Variants in RPF1 observed in about 807,000 individuals in gnomAD.
The protein encoded by RPF1 is ribosome production factor 1 homolog, also known as ribosome production factor 1.
In RPF1, 34 loss-of-function variants were observed where a neutral mutation model predicts 41.9. The ratio of observed to expected loss-of-function variants is 0.81; its 90% CI spans 0.62 to 1.08. RPF1 has a LOEUF of 1.08. Among genes scored for constraint, RPF1 ranks in the 50% least tolerant of loss-of-function variants. The pLI, the probability that RPF1 is intolerant of heterozygous loss-of-function variation, is 0.00. For synonymous variants in RPF1, 140 were observed against 148.9 expected (o/e 0.94, Z 0.43); for missense variants, 425 against 435.2 (o/e 0.98, Z 0.21).
chr1:84,490,607 C>A, intron 5 of RPF1, 135 bp downstream of exon 5: 1 of 624,634 alleles, frequency 1.6e-6, no homozygotes, highest in Non-Finnish European at 2.6e-6. Context: ...TATCTCTTTC[C>A]AAGAGTCTAT....
intron 2 of RPF1, among the ~76,000 whole-genome samples, chr1:84,482,624 T>C (rs1681670669): frequency 6.6e-6 from 1 of 152,046 alleles, no homozygotes; most frequent in African/African-American, 2.4e-5. Context: ...CCCTAGTAGA[T>C]AACTATCTTG....
intron 1 of RPF1, among the ~76,000 whole-genome samples, chr1:84,480,145 T>G (rs953159561): frequency 1.3e-5 from 2 of 152,176 alleles, no homozygotes; most frequent in Non-Finnish European, 2.9e-5. Context: ...AATATTATTA[T>G]TATGTGTCTG....
chr1:84,495,276 C>G, intron 5 of RPF1, 97 bp from the exon 6 acceptor site: 2 of 684,986 alleles, frequency 2.9e-6, no homozygotes, highest in South Asian at 3.5e-5. Context: ...CACTTGGGTA[C>G]AGATTTTAGG....
At chr1:84,481,054 G>T in intron 2 of RPF1, 42 bp downstream of exon 2, 2 of 1,119,772 alleles carry the variant, frequency 1.8e-6, no homozygotes, top group Non-Finnish European at 1.3e-6. Context: ...TCTTATATTA[G>T]GGAATCCCTC....
intron 3 of RPF1, among the ~76,000 whole-genome samples, chr1:84,486,719 G>A (rs1681745938): frequency 6.6e-6 from 1 of 152,070 alleles, no homozygotes; most frequent in African/African-American, 2.4e-5. Context: ...ACAAATCCAG[G>A]AAAGAAATGA....
At chr1:84,483,602 T>G (rs1681689741) in intron 3 of RPF1, among the ~76,000 whole-genome samples, 1 of 152,138 alleles carries the variant, frequency 6.6e-6, no homozygotes, top group South Asian at 2.1e-4. Flanking sequence ...ACTATCGACT[T>G]TTGTAGTATT....
At chr1:84,486,450 T>C (rs1439170130) in intron 3 of RPF1, among the ~76,000 whole-genome samples, 3 of 151,944 alleles carry the variant, frequency 2.0e-5, no homozygotes, top group East Asian at 1.9e-4. Context: ...TAGCCAGGTG[T>C]GGTGGCGGGC....
Position 84,482,898 on chromosome 1 carries a change from C to T in RPF1, c.286-17C>T, listed in dbSNP as rs1401715561. The T allele has an allele frequency of 6.6e-6, 10 of 1,519,822 alleles. No individual in the cohort carries two copies. Among genetic ancestry groups the T allele is most frequent in the South Asian group, 1.1e-5 (1 of 87,416 alleles). The allele number at this position is 1,519,822 out of a possible 1,614,324, so 94.1% of individuals were successfully genotyped here. On this transcript the variant is annotated splice_polypyrimidine_tract_variant and intron_variant, in intron 2 of 8. Coordinates refer to ENST00000370654, the MANE Select transcript of RPF1 (RefSeq NM_025065.7). ...TGTAAAATCCTTCTAAAATGTAATC[C>T]CTTCTCTTTTACTTAGGCTCCACCA...
In RPF1 at chr1:84,495,289, CCTTTGGAT is replaced by C. The variant is rs1681912534; in HGVS notation, c.617-83_617-76del. 4.2e-6 allele frequency: 3 copies of C among 719,732 alleles called. No individual in the cohort carries two copies. The South Asian group carries it at 5.0e-5, about 12-fold the overall frequency. The allele number at this position is 719,732 out of a possible 1,614,324, so 44.6% of individuals were successfully genotyped here. ...TTCACTTGGGTACAGATTTTAGGGG[CCTTTGGAT>C]GTAGAGGACCAGTTATTTAAACAAT... is the stretch of plus-strand genomic sequence containing the variant. On this transcript the variant is annotated intron_variant, in intron 5 of 8. Coordinates refer to ENST00000370654, the MANE Select transcript of RPF1 (RefSeq NM_025065.7).
At chr1:84,481,977 A>G (rs1681658375) in intron 2 of RPF1, among the ~76,000 whole-genome samples, 2 of 152,214 alleles carry the variant, frequency 1.3e-5, no homozygotes, top group African/African-American at 4.8e-5. Context: ...GTATCCTAGT[A>G]TGTCAAGCAT....
chr1:84,483,306 G>A (rs1038722378), intron 3 of RPF1: 5 of 276,416 alleles, frequency 1.8e-5, no homozygotes, highest in Admixed American at 9.3e-5. Flanking sequence ...TTGCTCTGTC[G>A]CCCATGCTGG....
At chr1:84,482,871 A>C (rs1234942737) in intron 2 of RPF1, 44 bp from the exon 3 acceptor site, 1 of 1,192,986 alleles carries the variant, frequency 8.4e-7, no homozygotes, top group African/African-American at 1.5e-5. Context: ...TAATATAATT[A>C]ATGTAAAATC....
At position 84,486,303 on chromosome 1, in the gene RPF1, C is replaced by T. The variant is rs112510801; in HGVS notation, c.366+3308C>T. Among the ~76,000 whole-genome samples the T allele has an allele frequency of 1.1e-4, 16 of 151,938 alleles. 1 individual carries two copies. The highest frequency in any genetic ancestry group is 5.8e-4 in the East Asian group (3 of 5,154). On this transcript the variant is annotated intron_variant, in intron 3 of 8. Coordinates refer to ENST00000370654, the MANE Select transcript of RPF1 (RefSeq NM_025065.7). The stretch of plus-strand genomic sequence containing the variant: ...TGGGTGGGTTAGAATAGAAGAATGA[C>T]GTGGCCGGGCACAGTAGCTCACGCC...
intron 8 of RPF1, among the ~76,000 whole-genome samples, chr1:84,496,630 AT>A (rs1681940563): frequency 1.3e-5 from 2 of 151,960 alleles, no homozygotes; most frequent in Admixed American, 1.3e-4. Flanking sequence ...CATCTGAAGT[AT>A]AAACATTAGT....
Position 84,489,590 on chromosome 1 carries a change from A to G in RPF1, c.367-43A>G, listed in dbSNP as rs764331155. 9 of 1,062,516 alleles carry G rather than the reference A, an allele frequency of 8.5e-6. No individual in the cohort carries two copies. The East Asian group carries it at 2.1e-4, about 25-fold the overall frequency. 65.8% of individuals were successfully genotyped at this position (1,062,516 alleles called of 1,614,324 possible). ...TACTTTTAGAATTCTGGCCCAGTAGAGTATTTCTTTGATGTAAAATTATTC... is the reference window on the plus strand; with the variant it reads ...TACTTTTAGAATTCTGGCCCAGTAGGGTATTTCTTTGATGTAAAATTATTC... On this transcript the variant is annotated intron_variant, in intron 3 of 8. Coordinates refer to ENST00000370654, the MANE Select transcript of RPF1 (RefSeq NM_025065.7).
intron 3 of RPF1, among the ~76,000 whole-genome samples, chr1:84,487,718 G>A (rs549249963): frequency 6.5e-4 from 99 of 152,108 alleles, no homozygotes; most frequent in Non-Finnish European, 1.0e-3. Flanking sequence ...GTTGCCTCTC[G>A]TATTTATTTG....
chr1:84,492,996 A>G (rs1299402517), intron 5 of RPF1, among the ~76,000 whole-genome samples: 1 of 152,252 alleles, frequency 6.6e-6, no homozygotes, highest in Non-Finnish European at 1.5e-5. Context: ...TGAAATAGGC[A>G]TGATGACTCC....
intron 5 of RPF1, among the ~76,000 whole-genome samples, chr1:84,493,825 A>G (rs1681881828): frequency 6.6e-6 from 1 of 152,242 alleles, no homozygotes; most frequent in Admixed American, 6.5e-5. Flanking sequence ...GCTAGGATTC[A>G]CATATATAGT....
At chr1:84,482,826 G>A (rs1175002744) in intron 2 of RPF1, 89 bp from the exon 3 acceptor site, 3 of 761,198 alleles carry the variant, frequency 3.9e-6, no homozygotes, top group Admixed American at 4.4e-5. Context: ...TGAGTTTGGG[G>A]TTATTTGTAG....
Sources: allele counts gnomAD v4.1 joint callset (sites outside exome capture counted in the v4.1 genomes callset), GRCh38; gene constraint gnomAD v4.1.1; transcripts MANE v1.5; gene names NCBI Gene and HGNC (gene_info 2026-07-23, HGNC 2026-07-21).